The following ICAM5 variants were observed in gnomAD, a reference collection of about 807,000 sequenced individuals.
ICAM5 encodes ICAM-5.
Under a neutral mutation model 78.8 loss-of-function variants are expected in ICAM5, and 38 were observed. The ratio of observed to expected loss-of-function variants is 0.48; its 90% CI spans 0.37 to 0.63. The LOEUF (loss-of-function observed/expected upper bound fraction) is 0.63. Ranked by LOEUF, ICAM5 falls within the 30% of genes least tolerant of loss-of-function variation. The probability of loss-of-function intolerance (pLI) is 0.00; values close to 1 mark genes in which losing one functional copy is unlikely to be tolerated. For synonymous variants in ICAM5, 544 were observed against 590.9 expected (o/e 0.92, Z 1.15); for missense variants, 1,059 against 1,303.0 (o/e 0.81, Z 2.88).
In ICAM5 at chr19:10,291,085, G is replaced by A. The variant is rs1356424301; in HGVS notation, c.96G>A (p.Glu32=). 1.2e-6 allele frequency: 2 copies of A among 1,609,364 alleles called. No individual in the cohort carries two copies. The highest frequency in any genetic ancestry group is 2.2e-5 in the East Asian group (1 of 44,760). ...TTCCCTGGGCAGCGGTCTCGCAGGAGCCCTTCTGGGCGGACCTGCAGCCTC... is the reference window on the plus strand; with the variant it reads ...TTCCCTGGGCAGCGGTCTCGCAGGAACCCTTCTGGGCGGACCTGCAGCCTC... ...GLFGLSAVSQ[E]PFWADLQPRV... Residue 32 remains glutamate, a synonymous_variant, in exon 2 of 11, where the codon GAG becomes GAA. Coordinates refer to ENST00000221980, the MANE Select transcript of ICAM5 (RefSeq NM_003259.4).
chr19:10,291,282 T>A lies in ICAM5; in HGVS notation c.293T>A (p.Val98Asp), dbSNP rs772374571. The A allele has an allele frequency of 6.2e-7, 1 of 1,612,590 alleles. No individual in the cohort carries two copies. Among genetic ancestry groups the A allele is most frequent in the East Asian group, 2.2e-5 (1 of 44,864 alleles). ...ATTCGCGAGCCGGAGACTCAGCCCG[T>A]CTGCTTCTTCCGCTGCGCGCGGCGC... Reference protein sequence around the residue: ...VDIREPETQPVCFFRCARRTL... With the variant: ...VDIREPETQPDCFFRCARRTL... The change falls in exon 2 of 11, where the codon GTC (valine) becomes GAC (aspartate). Residue 98 changes from valine (V) to aspartate (D), a missense_variant. This residue lies in a region of ICAM5 where 815 missense variants were observed against 952.8 expected (regional missense o/e 0.86). Transcript: ENST00000221980.
chr19:10,290,018 C>G lies in ICAM5; in HGVS notation c.-26C>G. 6.5e-7 allele frequency: 1 copy of G among 1,532,794 alleles called. No individual in the cohort carries two copies. The highest frequency in any genetic ancestry group is 8.7e-7 in the Non-Finnish European group (1 of 1,143,114). The allele number at this position is 1,532,794 out of a possible 1,614,324, so 94.9% of individuals were successfully genotyped here. ...AGCTCCTCGGCTCGCGCTCTCCTCG[C>G]CTCCTGTGCTTTCCCCGCCGCGGCG... On this transcript the variant is annotated 5_prime_UTR_variant, in exon 1 of 11. Transcript: ENST00000221980. The surrounding 1 kb of genome is among the most constrained non-coding windows in gnomAD (Gnocchi z 5.7).
Position 10,292,230 on chromosome 19 carries a change from C to G in ICAM5, c.869C>G (p.Ala290Gly). The G allele has an allele frequency of 6.2e-7, 1 of 1,613,120 alleles. No homozygotes were observed. The highest frequency in any genetic ancestry group is 8.5e-7 in the Non-Finnish European group (1 of 1,179,898). ...DAFVATATAT[A>G]SAEQEGARQL... ...TTCGTGGCCACTGCCACAGCCACAGCTAGCGCAGAGCAGGAGGGTGCCAGG... is the reference window on the plus strand; with the variant it reads ...TTCGTGGCCACTGCCACAGCCACAGGTAGCGCAGAGCAGGAGGGTGCCAGG... The change falls in exon 4 of 11, where the codon GCT becomes GGT. Residue 290 changes from alanine (A) to glycine (G), a missense_variant. This residue lies in a region of ICAM5 where 815 missense variants were observed against 952.8 expected (regional missense o/e 0.86). Transcript: ENST00000221980.
chr19:10,291,830 G>C (rs377362542), intron 3 of ICAM5, 21 bp downstream of exon 3: 1 of 1,598,454 alleles, frequency 6.3e-7, no homozygotes, highest in Non-Finnish European at 8.5e-7. Flanking sequence ...GTGGGGAGGA[G>C]ATGGGGACCC....
rs748643377 is a variant in ICAM5 at position 10,292,342 on chromosome 19, C to G, written c.961+20C>G. The G allele has an allele frequency of 1.8e-5, 28 of 1,561,110 alleles. No individual in the cohort carries two copies. Among genetic ancestry groups the G allele is most frequent in the Non-Finnish European group, 2.3e-5 (26 of 1,155,434 alleles). On this transcript the variant is annotated intron_variant, in intron 4 of 10. Transcript: ENST00000221980. ...TCTACAGTAAGGAAGGAGGCGGGGT[C>G]TCCGCGGCTCCGAGGTGGGACCAGA...
chr19:10,291,845 G>T, intron 3 of ICAM5, 36 bp downstream of exon 3: 6 of 1,588,584 alleles, frequency 3.8e-6, no homozygotes, highest in Non-Finnish European at 5.1e-6. Context: ...GGACCCAGTG[G>T]GGTCGGTCGG....
chr19:10,296,613 G>A lies in ICAM5; in HGVS notation c.2772G>A (p.Ala924=). The A allele has an allele frequency of 8.3e-7, 1 of 1,211,114 alleles. No individual in the cohort carries two copies. The highest frequency in any genetic ancestry group is 1.0e-6 in the Non-Finnish European group (1 of 970,288). 75.0% of individuals were successfully genotyped at this position (1,211,114 alleles called of 1,614,324 possible). ...TCTTCGCCATACAGCTGACATCGGC[G>A]TGAGCCCGCTCCCCTCTCCCCGCGG... The part of the protein sequence containing the change: ...GEVFAIQLTS[A] The change falls in exon 11 of 11, where the codon GCG becomes GCA. Residue 924 remains alanine (A), a synonymous_variant. Coordinates refer to ENST00000221980, the MANE Select transcript of ICAM5 (RefSeq NM_003259.4).
At position 10,294,608 on chromosome 19, in the gene ICAM5, C is replaced by A. The variant is rs150873217; in HGVS notation, c.2198C>A (p.Thr733Lys). The change falls in exon 9 of 11, where the codon ACG becomes AAG. Residue 733 changes from threonine to lysine, a missense_variant. Around this residue, in one of 3 missense-constraint regions of ICAM5, gnomAD observed 135 missense variants for 230.2 expected, o/e 0.59. Transcript: ENST00000221980. The surrounding 1 kb of genome is among the most constrained non-coding windows in gnomAD (Gnocchi z 7.7). The part of the protein sequence containing the change: ...YHCVATNAHG[T>K]DSRTVTVGVE... ...TGTGTGGCCACCAATGCGCATGGCA[C>A]GGACTCCCGGACCGTCACTGTGGGC... 7.6e-5 allele frequency: 123 copies of A among 1,612,682 alleles called. No individual in the cohort carries two copies. In the African/African-American group the frequency reaches 1.5e-3, roughly 19 times the overall value.
At position 10,296,428 on chromosome 19, in the gene ICAM5, A is replaced by G; in HGVS notation, c.2587A>G (p.Thr863Ala). 2 of 1,323,630 alleles carry G rather than the reference A, an allele frequency of 1.5e-6. No homozygotes were observed. Among genetic ancestry groups the G allele is most frequent in the Non-Finnish European group, 2.0e-6 (2 of 1,024,464 alleles). The allele number at this position is 1,323,630 out of a possible 1,614,324, so 82.0% of individuals were successfully genotyped here. A position where few individuals can be genotyped will look rare whatever the true frequency, so the allele number is the denominator to read the frequency against. The part of the protein sequence containing the change: ...GAGLAFYVQS[T>A]ACKKGEYNVQ... ...CGGCCTGGCCTTCTACGTGCAGTCC[A>G]CCGCCTGCAAGAAGGGCGAGTACAA... is the stretch of plus-strand genomic sequence containing the variant. The change falls in exon 11 of 11, where the codon ACC becomes GCC. Residue 863 changes from threonine (T) to alanine (A), a missense_variant. This residue lies in a region of ICAM5 where 109 missense variants were observed against 120.0 expected (regional missense o/e 0.91). Coordinates refer to ENST00000221980, the MANE Select transcript of ICAM5 (RefSeq NM_003259.4).
At chr19:10,295,264 T>C in intron 9 of ICAM5, 82 bp from the exon 10 acceptor site, 1 of 1,399,914 alleles carries the variant, frequency 7.1e-7, no homozygotes, top group Non-Finnish European at 9.3e-7. Flanking sequence ...TGGTCTCCCA[T>C]CGATCGTTGT....
rs2040211996 is a variant in ICAM5 at position 10,295,414 on chromosome 19, T to C, written c.2299T>C (p.Leu767=). The change falls in exon 10 of 11, where the codon TTG becomes CTG. Residue 767 remains leucine (L), a synonymous_variant. Coordinates refer to ENST00000221980, the MANE Select transcript of ICAM5 (RefSeq NM_003259.4). ...GGVRPGGNFT[L]TCRAEAWPPA... is the part of the protein sequence containing the mutation. ...CGTGCGCCCAGGAGGAAACTTCACG[T>C]TGACCTGCCGCGCGGAGGCCTGGCC... is the stretch of plus-strand genomic sequence containing the variant. 6.2e-7 allele frequency: 1 copy of C among 1,607,368 alleles called. No individual in the cohort carries two copies. The highest frequency in any genetic ancestry group is 8.5e-7 in the Non-Finnish European group (1 of 1,178,814).
rs151211439 is a variant in ICAM5 at position 10,293,168 on chromosome 19, G to A, written c.1387G>A (p.Ala463Thr). ...GGGCCTGCTGGGTCCAGTCACTCGG[G>A]CGCTCTCAGGCACTTACCGCTGCAA... The part of the protein sequence containing the change: ...ALGLLGPVTR[A>T]LSGTYRCKAA... The change falls in exon 6 of 11, where the codon GCG (alanine) becomes ACG (threonine). Residue 463 changes from alanine to threonine, a missense_variant. This residue lies in a region of ICAM5 where 815 missense variants were observed against 952.8 expected (regional missense o/e 0.86). Coordinates refer to ENST00000221980, the MANE Select transcript of ICAM5 (RefSeq NM_003259.4). The surrounding 1 kb of genome is among the most constrained non-coding windows in gnomAD (Gnocchi z 5.0). The A allele has an allele frequency of 6.0e-5, 97 of 1,611,330 alleles. No homozygotes were observed. Among genetic ancestry groups the A allele is most frequent in the Non-Finnish European group, 8.1e-5 (95 of 1,179,154 alleles).
In ICAM5 at chr19:10,296,746, A is replaced by G; in HGVS notation, c.*130A>G. The G allele has an allele frequency of 1.3e-6, 1 of 778,190 alleles. No individual in the cohort carries two copies. Among genetic ancestry groups the G allele is most frequent in the Non-Finnish European group, 1.7e-6 (1 of 597,456 alleles). The allele number at this position is 778,190 out of a possible 1,614,324, so 48.2% of individuals were successfully genotyped here. On this transcript the variant is annotated 3_prime_UTR_variant, in exon 11 of 11. Coordinates refer to ENST00000221980, the MANE Select transcript of ICAM5 (RefSeq NM_003259.4). ...TCCAAGGGCGTCACCCCCATTTTCT[A>G]CCCATCCCCTCAATAAAGTTTTTAT...
At position 10,292,269 on chromosome 19, in the gene ICAM5, A is replaced by G. The variant is rs763151043; in HGVS notation, c.908A>G (p.Asn303Ser). The G allele has an allele frequency of 7.3e-5, 118 of 1,612,412 alleles. 3 individuals carry two copies. The Admixed American group carries it at 1.8e-3, about 24-fold the overall frequency. The change falls in exon 4 of 11, where the codon AAC (asparagine) becomes AGC (serine). Residue 303 changes from asparagine (N) to serine (S), a missense_variant. Physicochemically the swap from Asn to Ser is conservative, Grantham distance 46. Transcript: ENST00000221980. ...GAGGGTGCCAGGCAGCTGGTCTGCA[A>G]CGTCACCCTGGGGGGCGAAAACCGG... The part of the protein sequence containing the change: ...EQEGARQLVC[N>S]VTLGGENRET...
rs1224217914 is a variant in ICAM5, at chr19:10,292,722, C to T, written c.1072C>T (p.Pro358Ser). 1.2e-6 allele frequency: 2 copies of T among 1,613,360 alleles called. No individual in the cohort carries two copies. Among genetic ancestry groups the T allele is most frequent in the Non-Finnish European group, 1.7e-6 (2 of 1,179,940 alleles). Reference sequence around the variant, plus strand: ...AGCTCTGGTCACACTGGAGGGAGTTCCAGCCGCGGTCCCGGGGCAGCCCGC... The same window carrying T: ...AGCTCTGGTCACACTGGAGGGAGTTTCAGCCGCGGTCCCGGGGCAGCCCGC... ...AQALVTLEGV[P>S]AAVPGQPAQL... Residue 358 changes from proline (P) to serine (S), a missense_variant, in exon 5 of 11, where the codon CCA (proline) becomes TCA (serine). Transcript: ENST00000221980.
rs2040183266 is a variant in ICAM5, at chr19:10,292,598, T to C, written c.962-14T>C. 9 of 1,548,110 alleles carry C rather than the reference T, an allele frequency of 5.8e-6. No homozygotes were observed. The highest frequency in any genetic ancestry group is 7.8e-6 in the Non-Finnish European group (9 of 1,149,176). ...GTATGGTCAGTATACTACGACCAAA[T>C]GCTCCGCCCCCAGGCTTCCCGGCAC... On this transcript the variant is annotated splice_polypyrimidine_tract_variant and intron_variant, in intron 4 of 10. Coordinates refer to ENST00000221980, the MANE Select transcript of ICAM5 (RefSeq NM_003259.4).
In ICAM5 at chr19:10,295,517, T is replaced by C; in HGVS notation, c.2402T>C (p.Val801Ala). ...TCGAGCAACAACAGCACACTGAGCG[T>C]GGCAGGCGCCATGGGAAGCCACGGC... is the stretch of plus-strand genomic sequence containing the variant. ...GLSSNNSTLS[V>A]AGAMGSHGGE... The change falls in exon 10 of 11, where the codon GTG becomes GCG. Residue 801 changes from valine (V) to alanine (A), a missense_variant. Val to Ala is a moderately conservative substitution (Grantham distance 64). Around this residue, in one of 3 missense-constraint regions of ICAM5, gnomAD observed 135 missense variants for 230.2 expected, o/e 0.59. Coordinates refer to ENST00000221980, the MANE Select transcript of ICAM5 (RefSeq NM_003259.4). The C allele has an allele frequency of 6.4e-7, 1 of 1,557,508 alleles. No individual in the cohort carries two copies. The highest frequency in any genetic ancestry group is 8.7e-7 in the Non-Finnish European group (1 of 1,152,964).
At position 10,291,654 on chromosome 19, in the gene ICAM5, C is replaced by T; in HGVS notation, c.518C>T (p.Pro173Leu). 3 of 1,611,944 alleles carry T rather than the reference C, an allele frequency of 1.9e-6. No homozygotes were observed. The highest frequency in any genetic ancestry group is 2.5e-6 in the Non-Finnish European group (3 of 1,179,522). The change falls in exon 3 of 11, where the codon CCA becomes CTA. Residue 173 changes from proline (P) to leucine (L), a missense_variant. By Grantham distance (98) the Pro-to-Leu change is moderately conservative. Transcript: ENST00000221980. The stretch of plus-strand genomic sequence containing the variant: ...ATCCGCCGCAGCTTCGCCGGTGAAC[C>T]ACCCCGAGCGCGGGGCGCGGTGCTC... ...ELIRRSFAGE[P>L]PRARGAVLTA...
chr19:10,293,812 T>C lies in ICAM5; in HGVS notation c.1580T>C (p.Val527Ala). The C allele has an allele frequency of 6.2e-7, 1 of 1,613,598 alleles. No individual in the cohort carries two copies. The highest frequency in any genetic ancestry group is 8.5e-7 in the Non-Finnish European group (1 of 1,180,018). ...GTACCGCCGCCTGATGTGATCTGCG[T>C]GCGCTCTGGAGAACTCGGGGCCGTC... is the stretch of plus-strand genomic sequence containing the variant. ...HGVPPPDVICVRSGELGAVIE... is the reference protein window; with the variant it reads ...HGVPPPDVICARSGELGAVIE... The change falls in exon 7 of 11, where the codon GTG (valine) becomes GCG (alanine). Residue 527 changes from valine to alanine, a missense_variant. Transcript: ENST00000221980. The surrounding 1 kb of genome is among the most constrained non-coding windows in gnomAD (Gnocchi z 5.0).
Sources: gnomAD v4.1 joint callset for allele counts on GRCh38, gnomAD v4.1.1 for gene constraint, gnomAD v4.1.1 regional missense constraint, Gnocchi (gnomAD v3.1) non-coding constraint, MANE v1.5 for transcripts, NCBI Gene and HGNC (gene_info 2026-07-23, HGNC 2026-07-21) for gene names.